The following MAP7D1 variants were observed in gnomAD, a reference collection of about 807,000 sequenced individuals.
MAP7D1 encodes the protein MAP7 domain-containing protein 1.
A neutral mutation model predicts 97.5 loss-of-function variants in MAP7D1; 30 were observed. That is an observed-to-expected ratio of 0.31 (90% CI 0.23 to 0.42). The LOEUF is 0.42. MAP7D1 is among the 10% of genes least tolerant of loss of function. The pLI is 1.00. For missense variants in MAP7D1, 1,184 were observed against 1,179.5 expected (o/e 1.00, Z -0.06); for synonymous variants, 536 against 477.1 (o/e 1.12, Z -1.61).
intron 1 of MAP7D1, among the ~76,000 whole-genome samples, chr1:36,169,136 C>T (rs140732315): frequency 0.033 from 5,016 of 151,942 alleles, 117 homozygotes; most frequent in Non-Finnish European, 0.051. Flanking sequence ...CCTGTAATCC[C>T]AGCTACTTGG....
In MAP7D1 at chr1:36,178,939, C is replaced by T. The variant is rs1644673153; in HGVS notation, c.2044C>T (p.Arg682Trp). The T allele has an allele frequency of 1.3e-6, 2 of 1,556,456 alleles. No homozygotes were observed. The highest frequency in any genetic ancestry group is 2.4e-5 in the East Asian group (1 of 41,376). ...TTGGCAGAAAGAGGAGGCCGAAGCTCGGTCGCGGGAAGAGGCGGAGCGGCA... is the reference window on the plus strand; with the variant it reads ...TTGGCAGAAAGAGGAGGCCGAAGCTTGGTCGCGGGAAGAGGCGGAGCGGCA... ...LQKQKEEAEA[R>W]SREEAERQRL... Residue 682 changes from arginine to tryptophan, a missense_variant, in exon 12 of 17, where the codon CGG (arginine) becomes TGG (tryptophan). By Grantham distance (101) the Arg-to-Trp change is moderately radical. Coordinates refer to ENST00000474796, the MANE Select transcript of MAP7D1 (RefSeq NM_001388490.1).
Position 36,176,087 on chromosome 1 carries a change from G to A in MAP7D1, c.851-112G>A, listed in dbSNP as rs1011243913. On this transcript the variant is annotated intron_variant, in intron 6 of 16. Transcript: ENST00000474796. The surrounding 1 kb of genome is among the most constrained non-coding windows in gnomAD (Gnocchi z 6.1). The stretch of plus-strand genomic sequence containing the variant: ...GTGTGATTGTGGGGAGAGGACTCCC[G>A]GGTGAGAAGCCTTGGCCTTGGCATG... 7.4e-6 allele frequency: 9 copies of A among 1,223,462 alleles called. No homozygotes were observed. Among genetic ancestry groups the A allele is most frequent in the African/African-American group, 6.3e-5 (4 of 63,986 alleles). 75.8% of individuals were successfully genotyped at this position (1,223,462 alleles called of 1,614,324 possible). A position where few individuals can be genotyped will look rare whatever the true frequency, so the allele number is the denominator to read the frequency against.
At chr1:36,172,869 GT>G (rs1196982958) in intron 4 of MAP7D1, among the ~76,000 whole-genome samples, 3 of 152,232 alleles carry the variant, frequency 2.0e-5, no homozygotes, top group Non-Finnish European at 4.4e-5. Context: ...CAGTACCTGT[GT>G]TCGTACATGT....
chr1:36,177,522 A>T lies in MAP7D1; in HGVS notation c.1380-351A>T, dbSNP rs1265085978. 5.5e-6 allele frequency: 3 copies of T among 542,354 alleles called. No homozygotes were observed. In the Admixed American group the frequency reaches 6.8e-5, roughly 12 times the overall value. The allele number at this position is 542,354 out of a possible 1,614,324, so 33.6% of individuals were successfully genotyped here. Reference sequence around the variant, plus strand: ...CTGGGGGTCAGCCAGATTCTGTCTTAAAAACAACAACAACAACAACAACAA... The same window carrying T: ...CTGGGGGTCAGCCAGATTCTGTCTTTAAAACAACAACAACAACAACAACAA... On this transcript the variant is annotated intron_variant, in intron 8 of 16. Coordinates refer to ENST00000474796, the MANE Select transcript of MAP7D1 (RefSeq NM_001388490.1).
intron 1 of MAP7D1, among the ~76,000 whole-genome samples, chr1:36,164,655 GA>G (rs1434307603): frequency 6.6e-6 from 1 of 152,270 alleles, no homozygotes; most frequent in East Asian, 1.9e-4. Flanking sequence ...GAAGTAGGGG[GA>G]GGGAGTCAGG....
chr1:36,156,380 G>A lies in MAP7D1; in HGVS notation c.-38G>A, dbSNP rs1371652151. ...CTGGCCACTGGCCGCCGCCGCCGCCGCCGCTGAGACCCCGAGACCCCCAGT... is the reference window on the plus strand; with the variant it reads ...CTGGCCACTGGCCGCCGCCGCCGCCACCGCTGAGACCCCGAGACCCCCAGT... On this transcript the variant is annotated 5_prime_UTR_variant, in exon 1 of 17. Transcript: ENST00000474796. 6.8e-7 allele frequency: 1 copy of A among 1,479,748 alleles called. No individual in the cohort carries two copies. Among genetic ancestry groups the A allele is most frequent in the South Asian group, 1.3e-5 (1 of 78,902 alleles). 91.7% of individuals were successfully genotyped at this position (1,479,748 alleles called of 1,614,324 possible).
rs1170203588 is a variant in MAP7D1 at position 36,176,824 on chromosome 1, G to T, written c.1361G>T (p.Ser454Ile). 5.6e-6 allele frequency: 9 copies of T among 1,597,502 alleles called. No homozygotes were observed. The highest frequency in any genetic ancestry group is 7.7e-6 in the Non-Finnish European group (9 of 1,172,742). ...PASPRARLSA[S>I]TASELSPKSK... ...TCCCCACGTGCCCGCCTCTCTGCCAGCACCGCCTCTGAGCTCAGGTGGGCG... is the reference window on the plus strand; with the variant it reads ...TCCCCACGTGCCCGCCTCTCTGCCATCACCGCCTCTGAGCTCAGGTGGGCG... The change falls in exon 8 of 17, where the codon AGC (serine) becomes ATC (isoleucine). Residue 454 changes from serine (S) to isoleucine (I), a missense_variant. Physicochemically the swap from Ser to Ile is moderately radical, Grantham distance 142 (BLOSUM62 -2). Coordinates refer to ENST00000474796, the MANE Select transcript of MAP7D1 (RefSeq NM_001388490.1). This position sits in a 1 kb window ranked among gnomAD's most constrained non-coding sequence, Gnocchi z 6.1.
Position 36,176,938 on chromosome 1 carries a change from T to G in MAP7D1, c.1379+96T>G. The G allele has an allele frequency of 9.7e-7, 1 of 1,029,534 alleles. No individual in the cohort carries two copies. Among genetic ancestry groups the G allele is most frequent in the Non-Finnish European group, 1.4e-6 (1 of 697,156 alleles). 63.8% of individuals were successfully genotyped at this position (1,029,534 alleles called of 1,614,324 possible). A position where few individuals can be genotyped will look rare whatever the true frequency, so the allele number is the denominator to read the frequency against. ...GGGCAACCACCTCTAGAATGCAACT[T>G]CCCTGAGGGCAGATTCTCTCTGTTT... On this transcript the variant is annotated intron_variant, in intron 8 of 16. Coordinates refer to ENST00000474796, the MANE Select transcript of MAP7D1 (RefSeq NM_001388490.1). This position sits in a 1 kb window ranked among gnomAD's most constrained non-coding sequence, Gnocchi z 6.1.
chr1:36,176,874 C>T lies in MAP7D1; in HGVS notation c.1379+32C>T, dbSNP rs779909956. 3.9e-6 allele frequency: 6 copies of T among 1,525,310 alleles called. No homozygotes were observed. The highest frequency in any genetic ancestry group is 5.3e-6 in the Non-Finnish European group (6 of 1,123,366). 94.5% of individuals were successfully genotyped at this position (1,525,310 alleles called of 1,614,324 possible). ...GCGGGCGGTGCGAGGGACCCTGCCC[C>T]TCACCGGGTCATTTATTCATCACCC... On this transcript the variant is annotated intron_variant, in intron 8 of 16. Transcript: ENST00000474796. The surrounding 1 kb of genome is among the most constrained non-coding windows in gnomAD (Gnocchi z 6.1).
rs746310011 is a variant in MAP7D1 at position 36,176,425 on chromosome 1, G to A, written c.1077G>A (p.Pro359=). The A allele has an allele frequency of 5.2e-6, 8 of 1,529,220 alleles. No homozygotes were observed. The Admixed American group carries it at 7.7e-5, about 15-fold the overall frequency. 94.7% of individuals were successfully genotyped at this position (1,529,220 alleles called of 1,614,324 possible). A position where few individuals can be genotyped will look rare whatever the true frequency, so the allele number is the denominator to read the frequency against. The change falls in exon 7 of 17, where the codon CCG becomes CCA. Residue 359 remains proline, a synonymous_variant. Coordinates refer to ENST00000474796, the MANE Select transcript of MAP7D1 (RefSeq NM_001388490.1). This position sits in a 1 kb window ranked among gnomAD's most constrained non-coding sequence, Gnocchi z 6.1. ...PDRTHPSAAV[P]VCPRSASASP... is the part of the protein sequence containing the mutation. The stretch of plus-strand genomic sequence containing the variant: ...GCACTCATCCCTCTGCAGCCGTGCC[G>A]GTGTGCCCGCGCTCGGCCTCCGCCA...
intron 1 of MAP7D1, among the ~76,000 whole-genome samples, chr1:36,165,855 C>T (rs1043738277): frequency 1.3e-5 from 2 of 151,818 alleles, no homozygotes; most frequent in Non-Finnish European, 2.9e-5. Flanking sequence ...CTCAGCCTCC[C>T]GAGTAGCTGG....
chr1:36,172,063 A>T (rs972805456), intron 3 of MAP7D1: 4 of 180,552 alleles, frequency 2.2e-5, no homozygotes, highest in African/African-American at 9.5e-5. Context: ...GCTCAGAGAG[A>T]TGAAATCATT....
chr1:36,167,129 G>A (rs1271745915), intron 1 of MAP7D1, among the ~76,000 whole-genome samples: 2 of 152,128 alleles, frequency 1.3e-5, no homozygotes, highest in East Asian at 1.9e-4. Context: ...TGTGAGTCTG[G>A]ATGAGGTCAC....
intron 1 of MAP7D1, among the ~76,000 whole-genome samples, chr1:36,163,941 C>T (rs1190734610): frequency 2.7e-5 from 4 of 148,278 alleles, no homozygotes; most frequent in Non-Finnish European, 5.9e-5. Context: ...ATTCTTCTCT[C>T]AGCCTCCCAA....
chr1:36,176,496 C>A lies in MAP7D1; in HGVS notation c.1148C>A (p.Ala383Asp), dbSNP rs1393223477. Residue 383 changes from alanine (A) to aspartate (D), a missense_variant, in exon 7 of 17, where the codon GCC becomes GAC. Ala to Asp is a moderately radical substitution (Grantham distance 126). Coordinates refer to ENST00000474796, the MANE Select transcript of MAP7D1 (RefSeq NM_001388490.1). This position sits in a 1 kb window ranked among gnomAD's most constrained non-coding sequence, Gnocchi z 6.1. ...GTCACCCGAAGCGTGCACCGCTGCG[C>A]CCCCGCCGGTGAGCGCGGGGAGCGC... ...CSVTRSVHRC[A>D]PAGERGERRK... 7.2e-7 allele frequency: 1 copy of A among 1,384,894 alleles called. No individual in the cohort carries two copies. Among genetic ancestry groups the A allele is most frequent in the Non-Finnish European group, 9.3e-7 (1 of 1,071,178 alleles). 85.8% of individuals were successfully genotyped at this position (1,384,894 alleles called of 1,614,324 possible).
Position 36,156,363 on chromosome 1 carries a change from T to G in MAP7D1, c.-55T>G. On this transcript the variant is annotated 5_prime_UTR_variant, in exon 1 of 17. Coordinates refer to ENST00000474796, the MANE Select transcript of MAP7D1 (RefSeq NM_001388490.1). ...GCCGCGGGACCCCTGTCCTGGCCAC[T>G]GGCCGCCGCCGCCGCCGCCGCTGAG... 2.1e-6 allele frequency: 3 copies of G among 1,456,168 alleles called. No homozygotes were observed. The highest frequency in any genetic ancestry group is 1.8e-6 in the Non-Finnish European group (2 of 1,102,724). The allele number at this position is 1,456,168 out of a possible 1,614,324, so 90.2% of individuals were successfully genotyped here. A position where few individuals can be genotyped will look rare whatever the true frequency, so the allele number is the denominator to read the frequency against.
chr1:36,179,328 C>T lies in MAP7D1; in HGVS notation c.2184+13C>T, dbSNP rs1300686020. 1 of 1,613,742 alleles carries T rather than the reference C, an allele frequency of 6.2e-7. No homozygotes were observed. The highest frequency in any genetic ancestry group is 8.5e-7 in the Non-Finnish European group (1 of 1,179,882). On this transcript the variant is annotated intron_variant, in intron 13 of 16. Coordinates refer to ENST00000474796, the MANE Select transcript of MAP7D1 (RefSeq NM_001388490.1). ...TTCTGAAACCAAGGTCAGAATTCCC[C>T]CGAAGGGCAGTGCTGGGCGTGGGGG...
chr1:36,162,053 T>C (rs1644420202), intron 1 of MAP7D1, among the ~76,000 whole-genome samples: 1 of 152,154 alleles, frequency 6.6e-6, no homozygotes. Flanking sequence ...TGCTCTAGTG[T>C]TGTCACCTAG....
In MAP7D1 at chr1:36,178,150, C is replaced by T; in HGVS notation, c.1657C>T (p.Pro553Ser). Residue 553 changes from proline to serine, a missense_variant, in exon 9 of 17, where the codon CCC becomes TCC. Pro to Ser is a moderately conservative substitution (Grantham distance 74). Transcript: ENST00000474796. ...ACCGGCACCTTCGCCGGCGCCCTCG[C>T]CCACCCCAGCCCCGCCCCAGAAGGA... Reference protein sequence around the residue: ...ASPAPSPAPSPTPAPPQKEQP... With the variant: ...ASPAPSPAPSSTPAPPQKEQP... 1 of 1,577,100 alleles carries T rather than the reference C, an allele frequency of 6.3e-7. No individual in the cohort carries two copies. The highest frequency in any genetic ancestry group is 8.6e-7 in the Non-Finnish European group (1 of 1,162,664).
Sources: gnomAD v4.1 joint callset for allele counts (sites outside exome capture counted in the v4.1 genomes callset) on GRCh38, gnomAD v4.1.1 for gene constraint, Gnocchi (gnomAD v3.1) non-coding constraint, MANE v1.5 for transcripts, NCBI Gene and HGNC (gene_info 2026-07-23, HGNC 2026-07-21) for gene names.